SLC9A9: variants seen among roughly 807,000 people sequenced by gnomAD.
The protein encoded by SLC9A9 is solute carrier family 9 member A9, also known as sodium/hydrogen exchanger 9.
Under a neutral mutation model 77.8 loss-of-function variants are expected in SLC9A9, and 62 were observed. The ratio of observed to expected loss-of-function variants is 0.80; its 90% confidence interval spans 0.65 to 0.98. The LOEUF is 0.98. Among genes scored for constraint, SLC9A9 ranks in the 50% least tolerant of loss-of-function variants. The probability of loss-of-function intolerance (pLI) is 0.00; values close to 1 mark genes in which losing one functional copy is unlikely to be tolerated. For missense variants in SLC9A9, 775 were observed against 774.9 expected (o/e 1.00, Z 0.00); for synonymous variants, 320 against 283.5 (o/e 1.13, Z -1.29).
chr3:143,547,512 G>A (rs1160703686), intron 9 of SLC9A9, among the ~76,000 whole-genome samples: 5 of 152,186 alleles, frequency 3.3e-5, no homozygotes, highest in Admixed American at 6.5e-5. Flanking sequence ...GTACATGCCT[G>A]TACTTAAAGG....
chr3:143,288,339 A>G (rs1938438669), intron 14 of SLC9A9, among the ~76,000 whole-genome samples: 2 of 152,152 alleles, frequency 1.3e-5, no homozygotes, highest in South Asian at 4.1e-4. Context: ...GGGACTGCTA[A>G]GTATAAATAC....
intron 14 of SLC9A9, among the ~76,000 whole-genome samples, chr3:143,322,058 G>A (rs1236853022): frequency 6.6e-6 from 1 of 152,244 alleles, no homozygotes; most frequent in East Asian, 1.9e-4. Context: ...GTTGTTGGAA[G>A]ACAGTGGAGT....
intron 5 of SLC9A9, chr3:143,655,454 G>A: frequency 1.0e-6 from 1 of 984,620 alleles, no homozygotes; most frequent in Non-Finnish European, 1.2e-6. Flanking sequence ...TTAAACCTTT[G>A]ATTTTATCAG....
intron 7 of SLC9A9, among the ~76,000 whole-genome samples, chr3:143,574,631 A>G (rs2037325705): frequency 6.6e-6 from 1 of 152,188 alleles, no homozygotes; most frequent in African/African-American, 2.4e-5. Flanking sequence ...GACCTGGTAG[A>G]GTCTTCTCTC....
chr3:143,733,327 T>C (rs1179236105), intron 4 of SLC9A9, among the ~76,000 whole-genome samples: 1 of 151,960 alleles, frequency 6.6e-6, no homozygotes, highest in African/African-American at 2.4e-5. Flanking sequence ...TCAGAGGCAG[T>C]TTTCCAGGCT....
chr3:143,805,847 C>T (rs953104166), intron 2 of SLC9A9, among the ~76,000 whole-genome samples: 15 of 152,218 alleles, frequency 9.9e-5, no homozygotes, highest in Admixed American at 4.6e-4. Context: ...GGACTCAGCC[C>T]GCCTGCACTC....
intron 2 of SLC9A9, among the ~76,000 whole-genome samples, chr3:143,819,070 G>A (rs1206429510): frequency 6.6e-6 from 1 of 151,772 alleles, no homozygotes; most frequent in African/African-American, 2.4e-5. Flanking sequence ...CAACAAGAGT[G>A]AAACTCTGTC....
intron 5 of SLC9A9, among the ~76,000 whole-genome samples, chr3:143,660,896 G>T (rs2038968160): frequency 6.6e-6 from 1 of 152,194 alleles, no homozygotes; most frequent in African/African-American, 2.4e-5. Flanking sequence ...TGACGAGGCT[G>T]TAGATTTTCA....
At chr3:143,314,159 C>G (rs1181202389) in intron 14 of SLC9A9, 1 of 152,266 alleles carries the variant, frequency 6.6e-6, no homozygotes, top group East Asian at 1.9e-4. Context: ...TTTTCCATCT[C>G]TAGCAGATGG....
chr3:143,390,090 T>C (rs1381184829), intron 12 of SLC9A9, among the ~76,000 whole-genome samples: 1 of 152,190 alleles, frequency 6.6e-6, no homozygotes, highest in Non-Finnish European at 1.5e-5. Context: ...CATTACCAAA[T>C]TGAAAACAGC....
chr3:143,699,250 T>C (rs115600338), intron 4 of SLC9A9, among the ~76,000 whole-genome samples: 2,516 of 152,172 alleles, frequency 0.017, 61 homozygotes, highest in African/African-American at 0.056. Context: ...TATTTTGAGA[T>C]AGAGGTAGAG....
chr3:143,804,787 G>A (rs536403000), intron 2 of SLC9A9, among the ~76,000 whole-genome samples: 11 of 152,116 alleles, frequency 7.2e-5, no homozygotes, highest in Admixed American at 3.9e-4. Flanking sequence ...TATTGCTCTA[G>A]GTACTGGAAT....
At chr3:143,690,252 C>T (rs1933417042) in intron 5 of SLC9A9, among the ~76,000 whole-genome samples, 1 of 151,604 alleles carries the variant, frequency 6.6e-6, no homozygotes, top group South Asian at 2.1e-4. Context: ...AAAGAGTAGG[C>T]AGTAGAAAAT....
chr3:143,450,515 A>G (rs972699831), intron 12 of SLC9A9, among the ~76,000 whole-genome samples: 2 of 152,134 alleles, frequency 1.3e-5, no homozygotes, highest in Non-Finnish European at 2.9e-5. Context: ...TTTATTTTTT[A>G]AAATAATTTT....
chr3:143,568,873 A>T (rs2037213692), intron 8 of SLC9A9, among the ~76,000 whole-genome samples: 1 of 152,136 alleles, frequency 6.6e-6, no homozygotes, highest in African/African-American at 2.4e-5. Flanking sequence ...TGCAATCTAG[A>T]TGCACATATA....
chr3:143,761,313 C>A lies in SLC9A9; in HGVS notation c.533+33688G>T, dbSNP rs144837224. 7.2e-3 allele frequency among the ~76,000 whole-genome samples: 1,102 copies of A among 152,138 alleles called. 12 individuals carry two copies. Among genetic ancestry groups the A allele is most frequent in the African/African-American group, 0.025 (1,022 of 41,524 alleles). ...ACTTCATGTCTAAAACACCAAAAGCCATGGCAACAAAAGCCAAAATTGGCA... is the reference window on the plus strand; with the variant it reads ...ACTTCATGTCTAAAACACCAAAAGCAATGGCAACAAAAGCCAAAATTGGCA... On this transcript the variant is annotated intron_variant, in intron 4 of 15. Coordinates refer to ENST00000316549, the MANE Select transcript of SLC9A9 (RefSeq NM_173653.4).
intron 12 of SLC9A9, among the ~76,000 whole-genome samples, chr3:143,417,889 T>C (rs2034226951): frequency 6.6e-6 from 1 of 151,734 alleles, no homozygotes; most frequent in Non-Finnish European, 1.5e-5. Flanking sequence ...CTCTAAGGAG[T>C]ATCAGGATTC....
intron 4 of SLC9A9, among the ~76,000 whole-genome samples, chr3:143,734,190 TG>T (rs1934881350): frequency 6.6e-6 from 1 of 150,876 alleles, no homozygotes; most frequent in Non-Finnish European, 1.5e-5. Context: ...GAGTGAGACC[TG>T]TCTGTAAAGA....
At chr3:143,496,935 G>A (rs2035845056) in intron 9 of SLC9A9, among the ~76,000 whole-genome samples, 1 of 152,148 alleles carries the variant, frequency 6.6e-6, no homozygotes, top group African/African-American at 2.4e-5. Flanking sequence ...TTCCTGGTTT[G>A]CCAAAGGCCA....
Sources: allele counts gnomAD v4.1 joint callset (sites outside exome capture counted in the v4.1 genomes callset), GRCh38; gene constraint gnomAD v4.1.1; transcripts MANE v1.5; gene names NCBI Gene and HGNC (gene_info 2026-07-23, HGNC 2026-07-21).